Variants in ANAPC1 observed in about 807,000 individuals in gnomAD.
The protein encoded by ANAPC1 is anaphase promoting complex subunit 1.
In ANAPC1, 36 loss-of-function variants were observed where a neutral mutation model predicts 208.0. The observed-to-expected ratio is 0.17, with a 90% CI of 0.13 to 0.23. The LOEUF (loss-of-function observed/expected upper bound fraction) is 0.23. Ranked by LOEUF, ANAPC1 falls within the 10% of genes least tolerant of loss-of-function variation. The pLI, the probability that ANAPC1 is intolerant of heterozygous loss-of-function variation, is 1.00. For missense variants in ANAPC1, 942 were observed against 2,011.6 expected, an observed-to-expected ratio of 0.47 and a Z score of 10.17; for synonymous variants, 378 against 695.2, an observed-to-expected ratio of 0.54 and a Z score of 7.18.
chr2:111,880,163 C>A (rs137941876), intron 2 of ANAPC1, among the ~76,000 whole-genome samples: 4,160 of 152,168 alleles, frequency 0.027, 184 homozygotes, highest in African/African-American at 0.094. Context: ...CACCTGAGGT[C>A]CGGAGTTCAA....
At chr2:111,876,707 A>G (rs1683041744) in intron 3 of ANAPC1, among the ~76,000 whole-genome samples, 1 of 152,222 alleles carries the variant, frequency 6.6e-6, no homozygotes. Flanking sequence ...TGGAATAATG[A>G]TTCAGTTTAT....
chr2:111,789,781 T>C lies in ANAPC1; in HGVS notation c.4713-1461A>G, dbSNP rs139872382. Among the ~76,000 whole-genome samples the C allele has an allele frequency of 9.7e-3, 1,472 of 152,286 alleles. 4 individuals are homozygous for C. The highest frequency in any genetic ancestry group is 0.034 in the African/African-American group (1,409 of 41,538). ...AAACCAAAAATCACTAGAAAAGCAG[T>C]AGCAGAATGGTAGAAAAATCAATTC... On this transcript the variant is annotated intron_variant, in intron 38 of 47. Transcript: ENST00000341068.
At chr2:111,784,012 C>T (rs1411140799) in intron 41 of ANAPC1, 48 bp from the exon 42 acceptor site, 1 of 690,924 alleles carries the variant, frequency 1.4e-6, no homozygotes, top group Non-Finnish European at 2.6e-6. Context: ...GAAAAATATG[C>T]TCATCTGACA....
At chr2:111,858,508 C>T in intron 10 of ANAPC1, 107 bp from the exon 11 acceptor site, 2 of 772,446 alleles carry the variant, frequency 2.6e-6, no homozygotes, top group Non-Finnish European at 4.1e-6. Context: ...CACCTGTAAT[C>T]CCAACACTTT....
rs1006128802 is a variant in ANAPC1 at position 111,794,246 on chromosome 2, G to A, written c.4451C>T (p.Ala1484Val). Reference sequence around the variant, plus strand: ...AATACTTCTTACCAAACAGTTAAATGCTGATAAGTTTTCTGAGCCAGCAAA... The same window carrying A: ...AATACTTCTTACCAAACAGTTAAATACTGATAAGTTTTCTGAGCCAGCAAA... ...FRFAGSENLSAFNCLHKFAKD... is the reference protein window; with the variant it reads ...FRFAGSENLSVFNCLHKFAKD... The change falls in exon 36 of 48, where the codon GCA (alanine) becomes GTA (valine). Residue 1484 changes from alanine (A) to valine (V), a missense_variant. Ala to Val is a moderately conservative substitution (Grantham distance 64). Coordinates refer to ENST00000341068, the MANE Select transcript of ANAPC1 (RefSeq NM_022662.4). 6 of 1,612,362 alleles carry A rather than the reference G, an allele frequency of 3.7e-6. No individual in the cohort carries two copies. In the African/African-American group the frequency reaches 5.3e-5, roughly 14 times the overall value.
intron 3 of ANAPC1, among the ~76,000 whole-genome samples, chr2:111,874,234 G>A (rs1279076520): frequency 6.6e-6 from 1 of 152,020 alleles, no homozygotes; most frequent in Non-Finnish European, 1.5e-5. Flanking sequence ...ACAGCATTTT[G>A]TGTTTTTTTT....
intron 46 of ANAPC1, among the ~76,000 whole-genome samples, chr2:111,775,861 G>T (rs1436605338): frequency 6.6e-6 from 1 of 152,268 alleles, no homozygotes; most frequent in Non-Finnish European, 1.5e-5. Context: ...GGATAAAAAT[G>T]ACTATCCAAA....
chr2:111,839,635 A>G (rs1402230538), intron 17 of ANAPC1, among the ~76,000 whole-genome samples: 1 of 152,254 alleles, frequency 6.6e-6, no homozygotes, highest in East Asian at 1.9e-4. Context: ...TGAAGCGTTC[A>G]AATAAAAAAC....
At chr2:111,806,314 T>C (rs1307481500) in intron 29 of ANAPC1, among the ~76,000 whole-genome samples, 1 of 48,870 alleles carries the variant, frequency 2.0e-5, no homozygotes, top group Admixed American at 2.5e-4. Context: ...GGTGGATCAC[T>C]TGACGTCAGG....
intron 15 of ANAPC1, among the ~76,000 whole-genome samples, chr2:111,847,467 G>T (rs1473749319): frequency 1.3e-5 from 2 of 152,122 alleles, no homozygotes; most frequent in African/African-American, 4.8e-5. Context: ...TTAATGAGAA[G>T]ACAAAAAATC....
At position 111,843,483 on chromosome 2, in the gene ANAPC1, A is replaced by G. The variant is rs759287185; in HGVS notation, c.1969T>C (p.Trp657Arg). Residue 657 changes from tryptophan (W) to arginine (R), a missense_variant, in exon 17 of 48, where the codon TGG (tryptophan) becomes CGG (arginine). Transcript: ENST00000341068. Reference sequence around the variant, plus strand: ...ATGAGACAAGTCACAAATAAATTCCACTCTGAGTGATAACTGGGTCCTCCT... The same window carrying G: ...ATGAGACAAGTCACAAATAAATTCCGCTCTGAGTGATAACTGGGTCCTCCT... ...APGGPSYHSE[W>R]NLFVTCLMNM... The G allele has an allele frequency of 2.5e-6, 4 of 1,611,790 alleles. No individual in the cohort carries two copies. The highest frequency in any genetic ancestry group is 3.3e-5 in the Admixed American group (2 of 60,000).
At chr2:111,798,888 G>A (rs1455515000) in intron 34 of ANAPC1, among the ~76,000 whole-genome samples, 4 of 152,008 alleles carry the variant, frequency 2.6e-5, no homozygotes, top group Admixed American at 2.6e-4. Context: ...CAAAAAATTA[G>A]CAGGGCATGG....
chr2:111,810,091 CATAAA>C (rs1450462032), intron 28 of ANAPC1, among the ~76,000 whole-genome samples: 3 of 152,122 alleles, frequency 2.0e-5, no homozygotes, highest in South Asian at 4.2e-4. Context: ...AATGTACATT[CATAAA>C]ATAAAACATT....
In ANAPC1 at chr2:111,821,719, A is replaced by G. The variant is rs374423320; in HGVS notation, c.2992-266T>C. 77 of 421,492 alleles carry G rather than the reference A, an allele frequency of 1.8e-4. No homozygotes were observed. In the East Asian group the frequency reaches 1.9e-3, roughly 10 times the overall value. The allele number at this position is 421,492 out of a possible 1,614,324, so 26.1% of individuals were successfully genotyped here. The stretch of plus-strand genomic sequence containing the variant: ...GAGGCCGAGGTGGGCGGATCACCCG[A>G]GGCCAGGGGTTCCAGACCAGCCTGG... On this transcript the variant is annotated intron_variant, in intron 25 of 47. Coordinates refer to ENST00000341068, the MANE Select transcript of ANAPC1 (RefSeq NM_022662.4).
At chr2:111,863,011 CAAAT>C in intron 9 of ANAPC1, among the ~76,000 whole-genome samples, 1 of 115,372 alleles carries the variant, frequency 8.7e-6, no homozygotes, top group East Asian at 2.5e-4. Context: ...ATTTACATAT[CAAAT>C]AACAAGTAAA....
At chr2:111,868,261 T>C (rs1682545556) in intron 6 of ANAPC1, among the ~76,000 whole-genome samples, 165 bp from the exon 7 acceptor site, 1 of 152,250 alleles carries the variant, frequency 6.6e-6, no homozygotes, top group South Asian at 2.1e-4. Context: ...CACATTGTCT[T>C]CTATTTCATT....
At chr2:111,863,603 T>C (rs1251026120) in intron 9 of ANAPC1, 72 bp downstream of exon 9, 1 of 1,424,414 alleles carries the variant, frequency 7.0e-7, no homozygotes, top group Non-Finnish European at 9.6e-7. Flanking sequence ...TAAAAACAGC[T>C]GTCAACAGAA....
intron 21 of ANAPC1, among the ~76,000 whole-genome samples, chr2:111,826,697 T>C (rs1212839657): frequency 2.7e-5 from 4 of 149,484 alleles, no homozygotes; most frequent in African/African-American, 9.8e-5. Context: ...AGTCTCACTA[T>C]GTCGCCAGGC....
At chr2:111,792,324 A>AT in intron 38 of ANAPC1, 38 bp downstream of exon 38, 1 of 1,269,968 alleles carries the variant, frequency 7.9e-7, no homozygotes, top group Non-Finnish European at 1.1e-6. Flanking sequence ...GATCTCACCA[A>AT]TGAGATCTTT....
Sources: allele counts gnomAD v4.1 joint callset (sites outside exome capture counted in the v4.1 genomes callset), GRCh38; gene constraint gnomAD v4.1.1; transcripts MANE v1.5; gene names NCBI Gene and HGNC (gene_info 2026-07-23, HGNC 2026-07-21).